Variants in DKK3 observed in about 807,000 individuals in gnomAD.
DKK3 encodes dickkopf Wnt signaling pathway inhibitor 3.
Under a neutral mutation model 33.2 loss-of-function variants are expected in DKK3, and 22 were observed. The observed-to-expected ratio is 0.66, with a 90% confidence interval of 0.47 to 0.95. DKK3 has a LOEUF of 0.95. Among genes scored for constraint, DKK3 ranks in the 40% least tolerant of loss-of-function variants. The probability of loss-of-function intolerance (pLI) is 0.00; values close to 1 mark genes in which losing one functional copy is unlikely to be tolerated. For synonymous variants in DKK3, 194 were observed against 188.8 expected, an observed-to-expected ratio of 1.03 and a Z score of -0.23; for missense variants, 398 against 458.4, an observed-to-expected ratio of 0.87 and a Z score of 1.20.
chr11:12,007,520 G>A (rs909531288), intron 1 of DKK3, among the ~76,000 whole-genome samples: 2 of 152,204 alleles, frequency 1.3e-5, no homozygotes, highest in Admixed American at 1.3e-4. Flanking sequence ...ACAGAGGACA[G>A]AACAAGATGC....
intron 2 of DKK3, among the ~76,000 whole-genome samples, chr11:12,001,416 T>C (rs1343622046): frequency 2.0e-5 from 3 of 152,224 alleles, no homozygotes; most frequent in Non-Finnish European, 4.4e-5. Context: ...AGAAACACTA[T>C]TGTTTCAACC....
upstream of DKK3, chr11:12,009,312 C>G (rs1243998044): frequency 1.2e-5 from 12 of 982,822 alleles, no homozygotes; most frequent in South Asian, 9.4e-5. Flanking sequence ...GCGGCAGCGC[C>G]GGTACCCGAG....
chr11:11,972,714 A>G (rs554161308), intron 3 of DKK3, among the ~76,000 whole-genome samples: 2 of 152,278 alleles, frequency 1.3e-5, no homozygotes, highest in Admixed American at 6.5e-5. Context: ...TGAGAAATCC[A>G]GGTTTTTTTC....
chr11:11,982,304 G>A (rs1847972002), intron 3 of DKK3, among the ~76,000 whole-genome samples: 2 of 152,052 alleles, frequency 1.3e-5, no homozygotes, highest in Admixed American at 1.3e-4. Flanking sequence ...GCCCTGCTGG[G>A]TAAAGGGTCT....
At chr11:12,005,777 T>C (rs534529735) in intron 1 of DKK3, among the ~76,000 whole-genome samples, 2 of 152,222 alleles carry the variant, frequency 1.3e-5, no homozygotes, top group African/African-American at 4.8e-5. Context: ...CCAATTATCC[T>C]GTGTCTATGA....
At chr11:12,000,360 C>T (rs1848398981) in intron 2 of DKK3, among the ~76,000 whole-genome samples, 1 of 152,132 alleles carries the variant, frequency 6.6e-6, no homozygotes, top group Non-Finnish European at 1.5e-5. Flanking sequence ...GTGCGTGCCA[C>T]CATGCCCAGC....
At chr11:12,008,831 AC>A, upstream of DKK3, 1 of 1,158,024 alleles carries the variant, frequency 8.6e-7, no homozygotes, top group Non-Finnish European at 1.1e-6. The surrounding 1 kb of genome is among the most constrained non-coding windows in gnomAD (Gnocchi z 4.6). Context: ...AGGACCCCGC[AC>A]CCCCATCCTC....
At chr11:11,998,885 G>T in intron 2 of DKK3, 106 bp from the exon 3 acceptor site, 1 of 1,055,990 alleles carries the variant, frequency 9.5e-7, no homozygotes, top group Non-Finnish European at 1.4e-6. Context: ...GGAGCATCCA[G>T]TATAGGAGTC....
chr11:12,001,575 C>T (rs1398984295), intron 2 of DKK3: 2 of 152,258 alleles, frequency 1.3e-5, no homozygotes, highest in East Asian at 1.9e-4. Context: ...CTGCACAGCA[C>T]ACAGTCTTAG....
chr11:11,981,155 A>G (rs1259775331), intron 3 of DKK3, among the ~76,000 whole-genome samples: 1 of 152,210 alleles, frequency 6.6e-6, no homozygotes, highest in Non-Finnish European at 1.5e-5. Flanking sequence ...GTAATGCTGC[A>G]TAACTTCACA....
chr11:11,981,295 T>C (rs1186235253), intron 3 of DKK3, among the ~76,000 whole-genome samples: 2 of 152,114 alleles, frequency 1.3e-5, no homozygotes, highest in Non-Finnish European at 2.9e-5. Flanking sequence ...CTGCCTAGGG[T>C]TCCAGGCAAC....
chr11:12,008,991 CA>C, upstream of DKK3: 1 of 997,576 alleles, frequency 1.0e-6, no homozygotes, highest in Non-Finnish European at 1.2e-6. The surrounding 1 kb of genome is among the most constrained non-coding windows in gnomAD (Gnocchi z 4.6). Context: ...TCGACCAGGT[CA>C]GAGTGCCCGA....
intron 3 of DKK3, among the ~76,000 whole-genome samples, chr11:11,994,008 G>C (rs1013268645): frequency 6.6e-6 from 1 of 152,060 alleles, no homozygotes; most frequent in African/African-American, 2.4e-5. Context: ...ACAACAGCGG[G>C]ATGAGTCAGC....
At chr11:11,986,513 T>C (rs1387973593) in intron 3 of DKK3, among the ~76,000 whole-genome samples, 4 of 152,160 alleles carry the variant, frequency 2.6e-5, no homozygotes, top group African/African-American at 4.8e-5. Flanking sequence ...AGGAAAACCA[T>C]ACAGTTGTCC....
At chr11:12,009,648 C>T, upstream of DKK3, 2 of 985,620 alleles carry the variant, frequency 2.0e-6, no homozygotes, top group Non-Finnish European at 2.4e-6. Flanking sequence ...CTTGGTCTTT[C>T]CAAGCCAACC....
At chr11:11,974,895 C>T (rs1847799820) in intron 3 of DKK3, among the ~76,000 whole-genome samples, 1 of 151,686 alleles carries the variant, frequency 6.6e-6, no homozygotes. Flanking sequence ...GACAGTGGAC[C>T]CCATCTTGAA....
chr11:11,991,676 G>A (rs1848191127), intron 3 of DKK3, among the ~76,000 whole-genome samples: 1 of 152,116 alleles, frequency 6.6e-6, no homozygotes, highest in African/African-American at 2.4e-5. Context: ...TCTGCCATGA[G>A]TGAGGGCTTT....
In DKK3 at chr11:11,963,606, G is replaced by A. The variant is rs1336919651; in HGVS notation, c.*858C>T. ...CAGTAGTTTACTTTTAGAGGGATGT[G>A]AGAATTAGTTTGACCTTAATTCCAG... On this transcript the variant is annotated 3_prime_UTR_variant, in exon 7 of 7. Coordinates refer to ENST00000683431, the MANE Select transcript of DKK3 (RefSeq NM_001018057.2). 1 of 152,216 alleles carries A rather than the reference G, an allele frequency of 6.6e-6. No individual in the cohort carries two copies. Among genetic ancestry groups the A allele is most frequent in the Non-Finnish European group, 1.5e-5 (1 of 68,034 alleles). 9.4% of individuals were successfully genotyped at this position (152,216 alleles called of 1,614,324 possible).
At chr11:11,998,671 A>C in intron 3 of DKK3, 25 bp downstream of exon 3, 1 of 1,597,800 alleles carries the variant, frequency 6.3e-7, no homozygotes, top group Non-Finnish European at 8.6e-7. Context: ...GTCGGGGTGC[A>C]AGTACAGGGG....
Sources: allele counts gnomAD v4.1 joint callset (sites outside exome capture counted in the v4.1 genomes callset), GRCh38; gene constraint gnomAD v4.1.1; non-coding constraint Gnocchi (gnomAD v3.1); transcripts MANE v1.5; gene names NCBI Gene and HGNC (gene_info 2026-07-23, HGNC 2026-07-21).